The following ANKRD7 variants were observed in gnomAD, a reference collection of about 807,000 sequenced individuals.
The protein encoded by ANKRD7 is ankyrin repeat domain-containing protein 7.
ANKRD7 carries 30 observed loss-of-function variants against 30.8 expected under a neutral mutation model. That is an observed-to-expected ratio of 0.97 (90% CI 0.73 to 1.32). The LOEUF (loss-of-function observed/expected upper bound fraction) is 1.32, where lower values mean the gene tolerates loss of function less well. ANKRD7 is among the 40% of genes most tolerant of loss of function. The pLI, the probability that ANKRD7 is intolerant of heterozygous loss-of-function variation, is 0.00. For missense variants in ANKRD7, 264 were observed against 295.7 expected (o/e 0.89, Z 0.79); for synonymous variants, 97 against 106.6 (o/e 0.91, Z 0.55).
intron 5 of ANKRD7, 60 bp downstream of exon 5, chr7:118,236,986 C>CTAAG: frequency 6.4e-7 from 1 of 1,567,652 alleles, no homozygotes; most frequent in Non-Finnish European, 8.7e-7. Context: ...GGATCAAAGC[C>CTAAG]TAAGCCCCAA....
At chr7:118,237,726 C>G (rs530057107) in intron 5 of ANKRD7, among the ~76,000 whole-genome samples, 1 of 151,912 alleles carries the variant, frequency 6.6e-6, no homozygotes, top group African/African-American at 2.4e-5. Flanking sequence ...GATGTTTAGT[C>G]TTAATTTAAC....
intron 1 of ANKRD7, among the ~76,000 whole-genome samples, chr7:118,226,541 A>G (rs1809544826): frequency 6.6e-6 from 1 of 152,210 alleles, no homozygotes; most frequent in Non-Finnish European, 1.5e-5. Context: ...AAAAAATGTT[A>G]TTAGGAAAAT....
chr7:118,236,250 C>A, intron 4 of ANKRD7, 103 bp downstream of exon 4: 3 of 567,944 alleles, frequency 5.3e-6, no homozygotes, highest in Non-Finnish European at 8.9e-6. Context: ...CCACAAAACA[C>A]AATATATATG....
intron 1 of ANKRD7, among the ~76,000 whole-genome samples, chr7:118,230,744 G>T (rs1207492025): frequency 6.6e-6 from 1 of 151,812 alleles, no homozygotes; most frequent in Non-Finnish European, 1.5e-5. Flanking sequence ...ATGAAATGTG[G>T]GCAGAGGAAA....
chr7:118,240,992 A>G (rs1809825736), intron 6 of ANKRD7, among the ~76,000 whole-genome samples: 1 of 149,348 alleles, frequency 6.7e-6, no homozygotes, highest in Admixed American at 6.7e-5. Flanking sequence ...GTCTCTACTA[A>G]AAATACAAAA....
chr7:118,235,361 C>T lies in ANKRD7; in HGVS notation c.468+487C>T, dbSNP rs1242938079. ...GGCATGGTGGCTCACGCCTGTAATC[C>T]CAGCACTTTGGGAGGCCGAGGTGGG... is the stretch of plus-strand genomic sequence containing the variant. On this transcript the variant is annotated intron_variant, in intron 3 of 6. Coordinates refer to ENST00000265224, the MANE Select transcript of ANKRD7 (RefSeq NM_019644.4). Among the ~76,000 whole-genome samples the T allele has an allele frequency of 1.3e-5, 2 of 151,874 alleles. 1 individual carries two copies. The highest frequency in any genetic ancestry group is 2.9e-5 in the Non-Finnish European group (2 of 67,982).
rs1287646480 is a variant in ANKRD7, at chr7:118,242,640, T to C, written c.*329T>C. 1 of 152,164 alleles carries C rather than the reference T, an allele frequency of 6.6e-6. No homozygotes were observed. Among genetic ancestry groups the C allele is most frequent in the African/African-American group, 2.4e-5 (1 of 41,460 alleles). The allele number at this position is 152,164 out of a possible 1,614,324, so 9.4% of individuals were successfully genotyped here. On this transcript the variant is annotated 3_prime_UTR_variant, in exon 7 of 7. Transcript: ENST00000265224. ...ATGGAATAATAATGAGGAAACTGTG[T>C]TAGGCATGTATTAAAACATTTAAAT... is the stretch of plus-strand genomic sequence containing the variant.
chr7:118,239,940 A>G lies in ANKRD7; in HGVS notation c.744A>G (p.Gly248=). The change falls in exon 6 of 7, where the codon GGA becomes GGG. Residue 248 remains glycine (G), a synonymous_variant. Transcript: ENST00000265224. ...HRYPQFTASH[G]KKKHAK ...ACCCACAATTCACTGCGAGCCATGG[A>G]AAGAAGAAACATGCTAAATAGACAC... 6.3e-7 allele frequency: 1 copy of G among 1,598,500 alleles called. No homozygotes were observed. The highest frequency in any genetic ancestry group is 8.5e-7 in the Non-Finnish European group (1 of 1,170,184).
intron 5 of ANKRD7, among the ~76,000 whole-genome samples, chr7:118,239,164 G>A (rs1017886033): frequency 1.3e-5 from 2 of 152,170 alleles, no homozygotes; most frequent in African/African-American, 2.4e-5. Context: ...TTAGGAATGG[G>A]GCAGCACAGC....
chr7:118,236,523 AT>A (rs1809733128), intron 4 of ANKRD7, among the ~76,000 whole-genome samples: 1 of 152,164 alleles, frequency 6.6e-6, no homozygotes, highest in African/African-American at 2.4e-5. Flanking sequence ...TTTGAGACAT[AT>A]TTTTGAAAAC....
At position 118,236,025 on chromosome 7, in the gene ANKRD7, T is replaced by A. The variant is rs753250927; in HGVS notation, c.469-16T>A. On this transcript the variant is annotated splice_polypyrimidine_tract_variant and intron_variant, in intron 3 of 6. Transcript: ENST00000265224. ...TTTGCTACAATATTTTAATCATTTT[T>A]AAATATTTTTTTCAGGATGGGTATA... 2 of 1,354,402 alleles carry A rather than the reference T, an allele frequency of 1.5e-6. No homozygotes were observed. Among genetic ancestry groups the A allele is most frequent in the African/African-American group, 1.5e-5 (1 of 68,328 alleles). 83.9% of individuals were successfully genotyped at this position (1,354,402 alleles called of 1,614,324 possible). A position where few individuals can be genotyped will look rare whatever the true frequency, so the allele number is the denominator to read the frequency against.
At chr7:118,231,788 T>C (rs943528370) in intron 1 of ANKRD7, among the ~76,000 whole-genome samples, 3 of 152,042 alleles carry the variant, frequency 2.0e-5, no homozygotes, top group Non-Finnish European at 2.9e-5. Context: ...TTTCCATCGA[T>C]ATATGAGAGA....
Position 118,224,844 on chromosome 7 carries a change from T to C in ANKRD7, c.14T>C (p.Phe5Ser), listed in dbSNP as rs977480985. Reference protein sequence around the residue: MNKLFSFWKRKNETR... With the variant: MNKLSSFWKRKNETR... ...GCCTGCACCGCCATGAATAAGCTTT[T>C]CAGCTTCTGGAAGAGGAAGAATGAG... Residue 5 changes from phenylalanine (F) to serine (S), a missense_variant, in exon 1 of 7, where the codon TTC becomes TCC. By Grantham distance (155) the Phe-to-Ser change is radical. Transcript: ENST00000265224. 1.1e-5 allele frequency: 18 copies of C among 1,612,664 alleles called. No individual in the cohort carries two copies. Among genetic ancestry groups the C allele is most frequent in the Non-Finnish European group, 1.4e-5 (17 of 1,179,668 alleles).
At chr7:118,231,686 C>T (rs538617842) in intron 1 of ANKRD7, among the ~76,000 whole-genome samples, 90 of 152,216 alleles carry the variant, frequency 5.9e-4, no homozygotes, top group Non-Finnish European at 1.1e-3. Context: ...TCAGCCTTGA[C>T]GCTCATCTCA....
chr7:118,230,556 A>G (rs1809618795), intron 1 of ANKRD7, among the ~76,000 whole-genome samples: 2 of 152,052 alleles, frequency 1.3e-5, no homozygotes, highest in Admixed American at 1.3e-4. Flanking sequence ...ATAAAGTTGT[A>G]CACTTTAATT....
At position 118,224,879 on chromosome 7, in the gene ANKRD7, C is replaced by T. The variant is rs751243854; in HGVS notation, c.49C>T (p.Gln17Ter). 6.2e-7 allele frequency: 1 copy of T among 1,614,070 alleles called. No homozygotes were observed. The highest frequency in any genetic ancestry group is 8.5e-7 in the Non-Finnish European group (1 of 1,179,988). The change falls in exon 1 of 7, where the codon CAG becomes TAG. Residue 17 changes from glutamine to a stop codon, truncating the protein, a stop_gained. Transcript: ENST00000265224. LOFTEE classifies it high-confidence loss of function. ...FWKRKNETRSQGYNLREKDLK... is the reference protein window; with the variant it reads ...FWKRKNETRS ...GAAGAGGAAGAATGAGACCCGCAGC[C>T]AGGGCTACAACCTTCGAGAAAAGGA... is the stretch of plus-strand genomic sequence containing the variant.
At chr7:118,233,204 C>T (rs78632164) in intron 1 of ANKRD7, among the ~76,000 whole-genome samples, 4,890 of 152,084 alleles carry the variant, frequency 0.032, 132 homozygotes, top group East Asian at 0.077. Flanking sequence ...CAACAAAGTA[C>T]TTCTTTGTTC....
intron 4 of ANKRD7, 60 bp downstream of exon 4, chr7:118,236,207 C>CGTGTGTGT (rs370465561): frequency 0.021 from 12,646 of 593,620 alleles, 562 homozygotes; most frequent in East Asian, 0.082. Flanking sequence ...TGTGTGTGTG[C>CGTGTGTGT]GTATGTGTGT....
In ANKRD7 at chr7:118,240,009, T is replaced by C. The variant is rs1250825714; in HGVS notation, c.*37+11T>C. 1 of 1,434,782 alleles carries C rather than the reference T, an allele frequency of 7.0e-7. No homozygotes were observed. Among genetic ancestry groups the C allele is most frequent in the Non-Finnish European group, 9.3e-7 (1 of 1,069,740 alleles). The allele number at this position is 1,434,782 out of a possible 1,614,324, so 88.9% of individuals were successfully genotyped here. A position where few individuals can be genotyped will look rare whatever the true frequency, so the allele number is the denominator to read the frequency against. On this transcript the variant is annotated intron_variant, in intron 6 of 6. Coordinates refer to ENST00000265224, the MANE Select transcript of ANKRD7 (RefSeq NM_019644.4). The stretch of plus-strand genomic sequence containing the variant: ...TGTGACTAAAGGAAGGTAAGATTGC[T>C]AACTGGATTAGTGTTTTTTTCTTGT...
Sources: gnomAD v4.1 joint callset for allele counts (sites outside exome capture counted in the v4.1 genomes callset) on GRCh38, gnomAD v4.1.1 for gene constraint, MANE v1.5 for transcripts, NCBI Gene and HGNC (gene_info 2026-07-23, HGNC 2026-07-21) for gene names.